The following RNF175 variants were observed in gnomAD, a reference collection of about 807,000 sequenced individuals.
RNF175 encodes ring finger protein 175.
Under a neutral mutation model 50.0 loss-of-function variants are expected in RNF175, and 38 were observed. The ratio of observed to expected loss-of-function variants is 0.76; its 90% CI spans 0.59 to 1.00. RNF175 has a LOEUF of 1.00. Among genes scored for constraint, RNF175 ranks in the 50% least tolerant of loss-of-function variants. RNF175 has a pLI of 0.00. For synonymous variants in RNF175, 155 were observed against 146.1 expected (o/e 1.06, Z -0.44); for missense variants, 388 against 409.6 (o/e 0.95, Z 0.46).
At chr4:153,742,974 A>G (rs1456407) in intron 3 of RNF175, among the ~76,000 whole-genome samples, 148,468 of 152,242 alleles carry the variant, frequency 0.98, 72,508 homozygotes, top group East Asian at 1. Flanking sequence ...AAAGCTCTCA[A>G]TAGCTAGTCT....
At chr4:153,712,155 T>C (rs1283335496) in intron 8 of RNF175, among the ~76,000 whole-genome samples, 1 of 152,228 alleles carries the variant, frequency 6.6e-6, no homozygotes, top group Non-Finnish European at 1.5e-5. Context: ...CATTTATTCA[T>C]CCATCCATCC....
intron 3 of RNF175, chr4:153,729,530 G>T: frequency 4.0e-6 from 1 of 252,486 alleles, no homozygotes; most frequent in Non-Finnish European, 6.2e-6. Context: ...ATATATTGTT[G>T]GATCCTTTAA....
At chr4:153,751,765 CAG>C (rs1015227802) in intron 1 of RNF175, among the ~76,000 whole-genome samples, 1 of 152,202 alleles carries the variant, frequency 6.6e-6, no homozygotes, top group African/African-American at 2.4e-5. Context: ...GTCAAAGTTA[CAG>C]AGAGTGGTCT....
At chr4:153,714,280 C>T (rs1737770487) in intron 7 of RNF175, 1 of 152,160 alleles carries the variant, frequency 6.6e-6, no homozygotes, top group South Asian at 2.1e-4. Context: ...GGAAAGGTAT[C>T]ACACTGAAAA....
At chr4:153,731,957 C>T (rs904057418) in intron 3 of RNF175, among the ~76,000 whole-genome samples, 5 of 152,038 alleles carry the variant, frequency 3.3e-5, no homozygotes, top group African/African-American at 9.7e-5. Flanking sequence ...TGGGTTGGCA[C>T]GTGGTGACTC....
chr4:153,734,110 G>T (rs1356376831), intron 3 of RNF175, among the ~76,000 whole-genome samples: 1 of 152,136 alleles, frequency 6.6e-6, no homozygotes, highest in African/African-American at 2.4e-5. Context: ...GCTTTTAAAG[G>T]ATATCTTGGT....
chr4:153,751,589 T>C (rs1227553316), intron 1 of RNF175, 114 bp from the exon 2 acceptor site: 5 of 716,988 alleles, frequency 7.0e-6, no homozygotes, highest in Admixed American at 6.2e-5. Context: ...CACATAGTAT[T>C]TGAATAATTT....
At position 153,712,553 on chromosome 4, in the gene RNF175, C is replaced by G; in HGVS notation, c.788G>C (p.Gly263Ala). 1 of 1,612,768 alleles carries G rather than the reference C, an allele frequency of 6.2e-7. No individual in the cohort carries two copies. The highest frequency in any genetic ancestry group is 8.5e-7 in the Non-Finnish European group (1 of 1,179,050). Reference protein sequence around the residue: ...NHVFHEFCIRGWCIVGKKQTC... With the variant: ...NHVFHEFCIRAWCIVGKKQTC... ...CTGCTTTTTCCCAACGATACACCAA[C>G]CTCGGATGCAGAATTCATGAAAGCT... Residue 263 changes from glycine to alanine, a missense_variant, in exon 8 of 9, where the codon GGT (glycine) becomes GCT (alanine). Physicochemically the swap from Gly to Ala is moderately conservative, Grantham distance 60. Coordinates refer to ENST00000347063, the MANE Select transcript of RNF175 (RefSeq NM_173662.4).
Position 153,743,853 on chromosome 4 carries a change from G to A in RNF175, c.246+4792C>T, listed in dbSNP as rs562668374. On this transcript the variant is annotated intron_variant, in intron 3 of 8. Transcript: ENST00000347063. ...GCAGTTAGCAACAGGAAACAACTCA[G>A]ATGACTCCAGCTAACTAACAGAGGT... Among the ~76,000 whole-genome samples, 4 of 152,310 alleles carry A rather than the reference G, an allele frequency of 2.6e-5. No homozygotes were observed. The East Asian group carries it at 7.7e-4, about 29-fold the overall frequency.
intron 8 of RNF175, among the ~76,000 whole-genome samples, chr4:153,711,215 T>C (rs1275767380): frequency 6.6e-6 from 1 of 152,226 alleles, no homozygotes; most frequent in Non-Finnish European, 1.5e-5. Flanking sequence ...AACCAAAAAC[T>C]GTTCTGGACT....
chr4:153,739,939 A>G (rs1189624739), intron 3 of RNF175, among the ~76,000 whole-genome samples: 1 of 151,916 alleles, frequency 6.6e-6, no homozygotes, highest in Non-Finnish European at 1.5e-5. Flanking sequence ...TTTCAGTTCC[A>G]TTATCTCTTT....
In RNF175 at chr4:153,722,672, A is replaced by C. The variant is rs558545953; in HGVS notation, c.509+679T>G. ...TATCCCCAACACAAGGCATTTCATG[A>C]CTATCAGAAACCAAATTCAAGAGAG... On this transcript the variant is annotated intron_variant, in intron 5 of 8. Coordinates refer to ENST00000347063, the MANE Select transcript of RNF175 (RefSeq NM_173662.4). Among the ~76,000 whole-genome samples the C allele has an allele frequency of 8.5e-5, 13 of 152,228 alleles. No homozygotes were observed. The East Asian group carries it at 1.9e-3, about 23-fold the overall frequency.
At chr4:153,740,432 A>G (rs988677523) in intron 3 of RNF175, among the ~76,000 whole-genome samples, 3 of 152,142 alleles carry the variant, frequency 2.0e-5, no homozygotes, top group Admixed American at 1.3e-4. Flanking sequence ...ATCACCTCAA[A>G]TATTTATCAT....
chr4:153,749,103 A>G (rs934250208), intron 2 of RNF175, among the ~76,000 whole-genome samples: 3 of 152,192 alleles, frequency 2.0e-5, no homozygotes, highest in African/African-American at 4.8e-5. Context: ...GGCTAAAAAA[A>G]GTAATGAGCC....
Position 153,760,012 on chromosome 4 carries a change from CG to C in RNF175, c.-151del. The stretch of plus-strand genomic sequence containing the variant: ...GAGCGGCGGCCCTGCCCGGGTTGTG[CG>C]GGGCGGGAGATGGGAGCCTCCCGGC... On this transcript the variant is annotated 5_prime_UTR_variant, in exon 1 of 9. Coordinates refer to ENST00000347063, the MANE Select transcript of RNF175 (RefSeq NM_173662.4). 2.3e-6 allele frequency: 1 copy of C among 429,932 alleles called. No individual in the cohort carries two copies. The highest frequency in any genetic ancestry group is 4.0e-6 in the Non-Finnish European group (1 of 252,314). The allele number at this position is 429,932 out of a possible 1,614,324, so 26.6% of individuals were successfully genotyped here.
intron 4 of RNF175, among the ~76,000 whole-genome samples, chr4:153,725,765 G>A (rs1316795201): frequency 1.3e-5 from 2 of 152,210 alleles, no homozygotes; most frequent in Non-Finnish European, 2.9e-5. Flanking sequence ...TGAAGGTTGT[G>A]TGAGCTAATG....
At chr4:153,745,678 G>C (rs1739931509) in intron 3 of RNF175, 1 of 152,288 alleles carries the variant, frequency 6.6e-6, no homozygotes, top group Non-Finnish European at 1.5e-5. Context: ...CAGTTCTGGA[G>C]GCTCAGAAGT....
chr4:153,711,108 T>C (rs1737544938), intron 8 of RNF175, among the ~76,000 whole-genome samples: 2 of 152,218 alleles, frequency 1.3e-5, no homozygotes, highest in African/African-American at 4.8e-5. Flanking sequence ...AAGAAATGAA[T>C]GACCCTTTGT....
At chr4:153,724,883 AG>A (rs1738579986) in intron 4 of RNF175, among the ~76,000 whole-genome samples, 2 of 144,992 alleles carry the variant, frequency 1.4e-5, no homozygotes, top group East Asian at 4.1e-4. Context: ...ATCCTGCCCC[AG>A]GGGGGAGTAG....
Sources: gnomAD v4.1 joint callset for allele counts (sites outside exome capture counted in the v4.1 genomes callset) on GRCh38, gnomAD v4.1.1 for gene constraint, MANE v1.5 for transcripts, NCBI Gene and HGNC (gene_info 2026-07-23, HGNC 2026-07-21) for gene names.